Variants in BTAF1 observed in about 807,000 individuals in gnomAD.
BTAF1 encodes the protein TATA-binding protein-associated factor 172.
Under a neutral mutation model 227.1 loss-of-function variants are expected in BTAF1, and 38 were observed. The ratio of observed to expected loss-of-function variants is 0.17; its 90% CI spans 0.13 to 0.22. BTAF1 has a LOEUF of 0.22. Ranked by LOEUF, BTAF1 falls within the 10% of genes least tolerant of loss-of-function variation. The pLI, the probability that BTAF1 is intolerant of heterozygous loss-of-function variation, is 1.00. For missense variants in BTAF1, 1,598 were observed against 2,204.0 expected (o/e 0.73, Z 5.51); for synonymous variants, 742 against 751.9 (o/e 0.99, Z 0.21).
intron 6 of BTAF1, among the ~76,000 whole-genome samples, chr10:91,955,227 C>T (rs1436620477): frequency 6.6e-6 from 1 of 152,074 alleles, no homozygotes; most frequent in East Asian, 1.9e-4. Flanking sequence ...GCACTTTTAG[C>T]CAAAGATTTG....
chr10:91,966,497 C>G, intron 13 of BTAF1, 140 bp from the exon 14 acceptor site: 1 of 812,318 alleles, frequency 1.2e-6, no homozygotes, highest in Non-Finnish European at 1.9e-6. Flanking sequence ...CATATGAAAA[C>G]TGTATTATCT....
chr10:91,929,483 A>G (rs1844121465), intron 1 of BTAF1, among the ~76,000 whole-genome samples: 1 of 152,210 alleles, frequency 6.6e-6, no homozygotes, highest in African/African-American at 2.4e-5. Flanking sequence ...GGAAGAAACA[A>G]ATTGCTACAT....
At chr10:92,021,251 T>C (rs552169075) in intron 34 of BTAF1, among the ~76,000 whole-genome samples, 23 of 152,156 alleles carry the variant, frequency 1.5e-4, no homozygotes, top group Non-Finnish European at 2.5e-4. Context: ...TCCAGGAGGC[T>C]GTAATGAAGA....
intron 10 of BTAF1, 35 bp from the exon 11 acceptor site, chr10:91,959,943 T>G: frequency 6.2e-7 from 1 of 1,600,976 alleles, no homozygotes; most frequent in Non-Finnish European, 8.5e-7. Flanking sequence ...ATACGTTTTT[T>G]GCAAATATGA....
rs768702576 is a variant in BTAF1 at position 91,989,496 on chromosome 10, T to A, written c.2770T>A (p.Cys924Ser). 6.2e-7 allele frequency: 1 copy of A among 1,613,886 alleles called. No homozygotes were observed. Among genetic ancestry groups the A allele is most frequent in the Admixed American group, 1.7e-5 (1 of 60,034 alleles). Residue 924 changes from cysteine (C) to serine (S), a missense_variant, in exon 20 of 38, where the codon TGT becomes AGT. By Grantham distance (112) the Cys-to-Ser change is moderately radical. Around this residue, in one of 10 missense-constraint regions of BTAF1, gnomAD observed 425 missense variants for 491.2 expected, o/e 0.87. Transcript: ENST00000265990. ...CAATTCAAAAATTATTAAAAACCTC[T>A]GTAGCTCACTTTGTGTGGACCCATA... is the stretch of plus-strand genomic sequence containing the variant. Reference protein sequence around the residue: ...CPNSKIIKNLCSSLCVDPYLT... With the variant: ...CPNSKIIKNLSSSLCVDPYLT...
chr10:91,991,271 A>AATATATAT (rs3980612), intron 20 of BTAF1, among the ~76,000 whole-genome samples: 13 of 66,230 alleles, frequency 2.0e-4, no homozygotes, highest in Admixed American at 1.5e-3. Context: ...TATAAATATA[A>AATATATAT]ATATATATAT....
At chr10:92,010,158 C>G (rs1850199525) in intron 28 of BTAF1, among the ~76,000 whole-genome samples, 1 of 152,026 alleles carries the variant, frequency 6.6e-6, no homozygotes, top group Non-Finnish European at 1.5e-5. Context: ...GGTAGGAATA[C>G]TGTTGTTCCA....
At chr10:91,941,995 C>T (rs954238738) in intron 3 of BTAF1, among the ~76,000 whole-genome samples, 4 of 152,156 alleles carry the variant, frequency 2.6e-5, no homozygotes, top group Admixed American at 6.5e-5. Flanking sequence ...TATTACTATC[C>T]GGGTACAGTG....
intron 1 of BTAF1, among the ~76,000 whole-genome samples, chr10:91,933,145 C>T (rs942265746): frequency 1.3e-5 from 2 of 152,178 alleles, no homozygotes; most frequent in Non-Finnish European, 2.9e-5. Context: ...GAGAGACATT[C>T]TGAGTGGAGG....
intron 1 of BTAF1, among the ~76,000 whole-genome samples, chr10:91,926,318 G>T (rs1242478274): frequency 6.6e-6 from 1 of 152,178 alleles, no homozygotes; most frequent in African/African-American, 2.4e-5. Context: ...AAGAGAAACT[G>T]TAATATTTTT....
intron 5 of BTAF1, 72 bp from the exon 6 acceptor site, chr10:91,953,665 T>C: frequency 2.0e-6 from 3 of 1,522,454 alleles, no homozygotes; most frequent in Non-Finnish European, 1.8e-6. Context: ...CTTGGTCTTC[T>C]TCTGAGGCTG....
At chr10:92,023,138 G>A (rs184937016) in intron 34 of BTAF1, among the ~76,000 whole-genome samples, 2 of 152,276 alleles carry the variant, frequency 1.3e-5, no homozygotes, top group East Asian at 3.9e-4. Context: ...CATATTATTT[G>A]CACAGTAGTT....
chr10:92,017,613 C>CT (rs1680091174), intron 33 of BTAF1, among the ~76,000 whole-genome samples: 1 of 151,806 alleles, frequency 6.6e-6, no homozygotes, highest in Non-Finnish European at 1.5e-5. Flanking sequence ...AGGGCTCAAG[C>CT]GATCCTCAGC....
Position 91,982,168 on chromosome 10 carries a change from T to C in BTAF1, c.1991T>C (p.Met664Thr), listed in dbSNP as rs1278437801. 1 of 1,614,018 alleles carries C rather than the reference T, an allele frequency of 6.2e-7. No individual in the cohort carries two copies. ...QEYIAGADTIMEDPATRDFVV... is the reference protein window; with the variant it reads ...QEYIAGADTITEDPATRDFVV... ...TATATTGCAGGTGCCGACACCATCA[T>C]GGAAGACCCAGCCACCAGGGATTTT... The change falls in exon 17 of 38, where the codon ATG (methionine) becomes ACG (threonine). Residue 664 changes from methionine to threonine, a missense_variant. By Grantham distance (81) the Met-to-Thr change is moderately conservative. This residue lies in a region of BTAF1 where 318 missense variants were observed against 435.0 expected (regional missense o/e 0.73). Coordinates refer to ENST00000265990, the MANE Select transcript of BTAF1 (RefSeq NM_003972.3).
chr10:91,999,703 C>T (rs766602729), intron 25 of BTAF1, among the ~76,000 whole-genome samples: 1 of 152,138 alleles, frequency 6.6e-6, no homozygotes, highest in Non-Finnish European at 1.5e-5. Context: ...AAGAATATAA[C>T]ATCATTTATA....
At chr10:92,001,562 T>A (rs1416294668) in intron 25 of BTAF1, among the ~76,000 whole-genome samples, 8 of 152,166 alleles carry the variant, frequency 5.3e-5, no homozygotes, top group Admixed American at 5.2e-4. Flanking sequence ...ATTTGGATCT[T>A]CCTTGATAAA....
chr10:92,005,269 A>G (rs1849802961), intron 25 of BTAF1, among the ~76,000 whole-genome samples: 1 of 152,028 alleles, frequency 6.6e-6, no homozygotes, highest in African/African-American at 2.4e-5. Flanking sequence ...TAGAAAGCTT[A>G]TTCAGAGGGA....
Position 91,984,254 on chromosome 10 carries a change from A to G in BTAF1, c.2277A>G (p.Ser759=). 1 of 1,613,960 alleles carries G rather than the reference A, an allele frequency of 6.2e-7. No individual in the cohort carries two copies. The highest frequency in any genetic ancestry group is 8.5e-7 in the Non-Finnish European group (1 of 1,179,950). The change falls in exon 19 of 38, where the codon TCA becomes TCG. Residue 759 remains serine (S), a synonymous_variant. Coordinates refer to ENST00000265990, the MANE Select transcript of BTAF1 (RefSeq NM_003972.3). ...AGCCGCGTTTACTTGATATCCTTTC[A>G]GAACATTTATATTATGACGAAATTG... ...AVQPRLLDIL[S]EHLYYDEIAV... is the part of the protein sequence containing the mutation.
At chr10:91,957,189 T>C (rs1257231313) in intron 7 of BTAF1, 36 bp from the exon 8 acceptor site, 1 of 1,548,474 alleles carries the variant, frequency 6.5e-7, no homozygotes, top group South Asian at 1.1e-5. Context: ...AAAATAGACC[T>C]TTTGAACTAG....
Sources: gnomAD v4.1 joint callset for allele counts (sites outside exome capture counted in the v4.1 genomes callset) on GRCh38, gnomAD v4.1.1 for gene constraint, gnomAD v4.1.1 regional missense constraint, MANE v1.5 for transcripts, NCBI Gene and HGNC (gene_info 2026-07-23, HGNC 2026-07-21) for gene names.